The following PDE7B variants were observed in gnomAD, a reference collection of about 807,000 sequenced individuals.
PDE7B encodes the protein phosphodiesterase 7B.
PDE7B carries 29 observed loss-of-function variants against 56.2 expected under a neutral mutation model. The ratio of observed to expected loss-of-function variants is 0.52; its 90% CI spans 0.38 to 0.70. The LOEUF (loss-of-function observed/expected upper bound fraction) is 0.70, where lower values mean the gene tolerates loss of function less well. Ranked by LOEUF, PDE7B falls within the 30% of genes least tolerant of loss-of-function variation. The pLI, the probability that PDE7B is intolerant of heterozygous loss-of-function variation, is 0.00. For synonymous variants in PDE7B, 197 were observed against 196.9 expected, an observed-to-expected ratio of 1.00 and a Z score of 0.00; for missense variants, 490 against 565.0, an observed-to-expected ratio of 0.87 and a Z score of 1.35.
chr6:136,001,641 G>A (rs1281156577), intron 2 of PDE7B, among the ~76,000 whole-genome samples: 4 of 152,224 alleles, frequency 2.6e-5, no homozygotes, highest in Non-Finnish European at 5.9e-5. Flanking sequence ...GAGAAGAGAA[G>A]TTTAGAGAAA....
At chr6:135,873,589 G>A (rs1775431364) in intron 1 of PDE7B, among the ~76,000 whole-genome samples, 1 of 152,016 alleles carries the variant, frequency 6.6e-6, no homozygotes, top group Non-Finnish European at 1.5e-5. Flanking sequence ...AATATATGAG[G>A]TAGGCATATA....
chr6:136,061,496 A>T (rs971955094), intron 2 of PDE7B, among the ~76,000 whole-genome samples: 1 of 152,196 alleles, frequency 6.6e-6, no homozygotes, highest in Non-Finnish European at 1.5e-5. Flanking sequence ...ACTTTTAATG[A>T]TTCCTCTTCC....
intron 2 of PDE7B, among the ~76,000 whole-genome samples, chr6:135,986,070 C>A (rs1040503465): frequency 2.6e-5 from 4 of 152,130 alleles, no homozygotes; most frequent in Non-Finnish European, 5.9e-5. Context: ...CACTAGAGAC[C>A]CTGGAATCAG....
At chr6:136,125,350 G>A (rs1297333506) in intron 3 of PDE7B, among the ~76,000 whole-genome samples, 1 of 152,144 alleles carries the variant, frequency 6.6e-6, no homozygotes, top group Non-Finnish European at 1.5e-5. Flanking sequence ...AAGGCAGGAG[G>A]ATCGCTTGAG....
At chr6:135,970,272 CA>C (rs540063140) in intron 2 of PDE7B, among the ~76,000 whole-genome samples, 162 of 152,090 alleles carry the variant, frequency 1.1e-3, no homozygotes, top group Middle Eastern at 6.8e-3. Flanking sequence ...CAGGGAGTGA[CA>C]TGGTGGTGGC....
intron 2 of PDE7B, among the ~76,000 whole-genome samples, chr6:136,033,594 CTG>C (rs1351854375): frequency 1.3e-5 from 2 of 152,188 alleles, no homozygotes; most frequent in African/African-American, 4.8e-5. Context: ...TTCGCCCCAC[CTG>C]TCTTTCCTCA....
chr6:135,927,593 A>AT (rs1314840667), intron 1 of PDE7B, among the ~76,000 whole-genome samples: 2 of 152,024 alleles, frequency 1.3e-5, no homozygotes, highest in East Asian at 3.9e-4. Context: ...CATTGAAGAG[A>AT]TTTTTCACCT....
chr6:136,069,056 G>A (rs905786871), intron 2 of PDE7B, among the ~76,000 whole-genome samples: 1 of 152,124 alleles, frequency 6.6e-6, no homozygotes, highest in Non-Finnish European at 1.5e-5. Context: ...GTATAATGAG[G>A]CATGTCCAAC....
chr6:136,143,046 C>G (rs903608143), intron 3 of PDE7B, among the ~76,000 whole-genome samples: 1 of 152,136 alleles, frequency 6.6e-6, no homozygotes, highest in African/African-American at 2.4e-5. Context: ...TTCCTACCCT[C>G]AATGATCTTT....
At position 136,183,369 on chromosome 6, in the gene PDE7B, G is replaced by A. The variant is rs560255567; in HGVS notation, c.1045+2046G>A. ...AAGACTTTGGGAGGCCAAGGCGGGC[G>A]GATCATGAGGTCAGGAGATAGAGAT... On this transcript the variant is annotated intron_variant, in intron 11 of 12. Transcript: ENST00000308191. Among the ~76,000 whole-genome samples, 873 of 152,070 alleles carry A rather than the reference G, an allele frequency of 5.7e-3. 15 individuals are homozygous for A. The highest frequency in any genetic ancestry group is 0.019 in the African/African-American group (772 of 41,510).
At chr6:135,991,721 T>C (rs983203879) in intron 2 of PDE7B, among the ~76,000 whole-genome samples, 1 of 152,164 alleles carries the variant, frequency 6.6e-6, no homozygotes. Flanking sequence ...TTAAGTGTGA[T>C]ATCAGACAAG....
chr6:135,968,301 A>C (rs1263317759), intron 2 of PDE7B, among the ~76,000 whole-genome samples: 1 of 152,188 alleles, frequency 6.6e-6, no homozygotes. Flanking sequence ...GCAAAAATTG[A>C]CCAATGGGAC....
At position 136,191,696 on chromosome 6, in the gene PDE7B, G is replaced by A. The variant is rs764133606; in HGVS notation, c.1209G>A (p.Leu403=). Residue 403 remains leucine, a synonymous_variant, in exon 13 of 13, where the codon CTG becomes CTA. Coordinates refer to ENST00000308191, the MANE Select transcript of PDE7B (RefSeq NM_018945.4). ...ACAGCACCCTGTCGGAGAACATGCTGGGCCACCTCGCACACAACAAGGCCC... is the reference window on the plus strand; with the variant it reads ...ACAGCACCCTGTCGGAGAACATGCTAGGCCACCTCGCACACAACAAGGCCC... ...TGNSTLSENM[L]GHLAHNKAQW... 7 of 1,613,604 alleles carry A rather than the reference G, an allele frequency of 4.3e-6. No homozygotes were observed. The highest frequency in any genetic ancestry group is 5.9e-6 in the Non-Finnish European group (7 of 1,179,788).
intron 2 of PDE7B, among the ~76,000 whole-genome samples, chr6:136,029,670 T>G (rs990297837): frequency 1.3e-5 from 2 of 152,156 alleles, no homozygotes; most frequent in African/African-American, 4.8e-5. Context: ...TTAAAGTAAT[T>G]TTCAAAATAG....
intron 2 of PDE7B, among the ~76,000 whole-genome samples, chr6:136,080,228 A>G (rs1396243248): frequency 6.6e-6 from 1 of 152,168 alleles, no homozygotes; most frequent in Admixed American, 6.5e-5. Context: ...TAAACTTCCA[A>G]TTTCTTAGAA....
At chr6:136,103,942 T>C (rs1277627125) in intron 2 of PDE7B, among the ~76,000 whole-genome samples, 1 of 152,190 alleles carries the variant, frequency 6.6e-6, no homozygotes, top group Non-Finnish European at 1.5e-5. Flanking sequence ...CCACCCTCTT[T>C]GCCAGTTACA....
intron 1 of PDE7B, among the ~76,000 whole-genome samples, chr6:135,910,920 C>T (rs188806527): frequency 2.0e-5 from 3 of 152,142 alleles, no homozygotes; most frequent in Admixed American, 6.5e-5. Flanking sequence ...AATATCTGAC[C>T]ATCATTCTGC....
At chr6:136,138,458 C>T (rs1778254384) in intron 3 of PDE7B, among the ~76,000 whole-genome samples, 2 of 152,188 alleles carry the variant, frequency 1.3e-5, no homozygotes, top group Non-Finnish European at 2.9e-5. Flanking sequence ...TCACAAAACA[C>T]AAATTGCTCC....
chr6:136,143,849 T>A (rs545646901), intron 3 of PDE7B, among the ~76,000 whole-genome samples: 1 of 152,212 alleles, frequency 6.6e-6, no homozygotes, highest in South Asian at 2.1e-4. Context: ...CTTGGAAAAC[T>A]AAAGGGAAGT....
Sources: gnomAD v4.1 joint callset for allele counts (sites outside exome capture counted in the v4.1 genomes callset) on GRCh38, gnomAD v4.1.1 for gene constraint, MANE v1.5 for transcripts, NCBI Gene and HGNC (gene_info 2026-07-23, HGNC 2026-07-21) for gene names.